Variants in ACOXL observed in about 807,000 individuals in gnomAD.
ACOXL encodes the protein acyl-coenzyme A oxidase-like protein.
ACOXL carries 70 observed loss-of-function variants against 71.9 expected under a neutral mutation model. The ratio of observed to expected loss-of-function variants is 0.97; its 90% CI spans 0.80 to 1.19. The LOEUF (loss-of-function observed/expected upper bound fraction) is 1.19. Ranked by LOEUF, ACOXL falls within the 50% of genes most tolerant of loss-of-function variation. ACOXL has a pLI of 0.00. For synonymous variants in ACOXL, 253 were observed against 281.6 expected (o/e 0.90, Z 1.02); for missense variants, 703 against 736.3 (o/e 0.95, Z 0.52).
chr2:110,903,837 A>G (rs1005848909), intron 10 of ACOXL, among the ~76,000 whole-genome samples: 1 of 152,186 alleles, frequency 6.6e-6, no homozygotes, highest in East Asian at 1.9e-4. Context: ...GGGGCCTGAG[A>G]GCATAAATAA....
chr2:110,826,996 A>G (rs1027812855), intron 9 of ACOXL, among the ~76,000 whole-genome samples: 4 of 152,134 alleles, frequency 2.6e-5, no homozygotes, highest in Non-Finnish European at 5.9e-5. Context: ...GGCTTTGGCG[A>G]TGGCTGTTCT....
At chr2:110,932,936 G>A (rs2060529602) in intron 11 of ACOXL, among the ~76,000 whole-genome samples, 1 of 152,210 alleles carries the variant, frequency 6.6e-6, no homozygotes. Context: ...GAAGACTTTG[G>A]TAGACTTTGG....
Position 110,881,340 on chromosome 2 carries a change from G to A in ACOXL, c.789-27449G>A, listed in dbSNP as rs374235609. On this transcript the variant is annotated intron_variant, in intron 10 of 17. Coordinates refer to ENST00000439055, the MANE Select transcript of ACOXL (RefSeq NM_001142807.4). Reference sequence around the variant, plus strand: ...CTTGTGAAATTATTAAATTATTTGTGTCTGATGCTCTTTAGGGATAAATCT... The same window carrying A: ...CTTGTGAAATTATTAAATTATTTGTATCTGATGCTCTTTAGGGATAAATCT... Among the ~76,000 whole-genome samples, 3 of 152,068 alleles carry A rather than the reference G, an allele frequency of 2.0e-5. No individual in the cohort carries two copies. In the East Asian group the frequency reaches 5.8e-4, roughly 29 times the overall value.
chr2:110,948,051 C>G (rs1042844216), intron 12 of ACOXL, among the ~76,000 whole-genome samples: 1 of 152,242 alleles, frequency 6.6e-6, no homozygotes, highest in Non-Finnish European at 1.5e-5. Flanking sequence ...ATCTCTGCCC[C>G]CAGCTGCCCT....
At chr2:110,854,243 C>T (rs919080464) in intron 10 of ACOXL, among the ~76,000 whole-genome samples, 2 of 152,146 alleles carry the variant, frequency 1.3e-5, no homozygotes. Flanking sequence ...GATTTGCAGG[C>T]ACACAGTGGG....
At chr2:110,877,529 C>T (rs1436550136) in intron 10 of ACOXL, among the ~76,000 whole-genome samples, 1 of 152,192 alleles carries the variant, frequency 6.6e-6, no homozygotes, top group Non-Finnish European at 1.5e-5. Context: ...ACTGTAGATA[C>T]AGCTGAAAAC....
intron 8 of ACOXL, among the ~76,000 whole-genome samples, chr2:110,802,102 G>A (rs1686076985): frequency 6.6e-6 from 1 of 152,158 alleles, no homozygotes; most frequent in African/African-American, 2.4e-5. Context: ...TTTATGTAAT[G>A]CTAAGCACAC....
chr2:110,787,533 CA>C (rs1175271772), intron 3 of ACOXL, among the ~76,000 whole-genome samples: 4,922 of 53,624 alleles, frequency 0.092, 61 homozygotes, highest in Middle Eastern at 0.14. Context: ...GACTCCGTCT[CA>C]AAAAAAAAAA....
intron 1 of ACOXL, among the ~76,000 whole-genome samples, chr2:110,762,532 T>A (rs1680539384): frequency 6.6e-6 from 1 of 152,232 alleles, no homozygotes; most frequent in Non-Finnish European, 1.5e-5. Flanking sequence ...TTGCTTGAGG[T>A]GTTATAGTAC....
At chr2:111,075,218 T>C (rs901793888) in intron 16 of ACOXL, among the ~76,000 whole-genome samples, 39 of 136,742 alleles carry the variant, frequency 2.9e-4, no homozygotes, top group Admixed American at 1.5e-3. Flanking sequence ...CATTAAGGCC[T>C]AGAGATTTCT....
At chr2:110,784,133 T>C (rs1683658786) in intron 2 of ACOXL, among the ~76,000 whole-genome samples, 1 of 152,128 alleles carries the variant, frequency 6.6e-6, no homozygotes, top group Non-Finnish European at 1.5e-5. Flanking sequence ...ATCAAGATGG[T>C]CACTGAAGCT....
At chr2:110,795,319 G>C (rs1685160069) in intron 5 of ACOXL, among the ~76,000 whole-genome samples, 1 of 152,160 alleles carries the variant, frequency 6.6e-6, no homozygotes, top group Non-Finnish European at 1.5e-5. Context: ...CCTGATGTTA[G>C]TTCTCTCCAG....
intron 1 of ACOXL, among the ~76,000 whole-genome samples, chr2:110,753,024 G>A (rs1679207182): frequency 6.6e-6 from 1 of 152,258 alleles, no homozygotes; most frequent in Non-Finnish European, 1.5e-5. Context: ...GGACCTAGTG[G>A]GAGGTGTTTG....
intron 12 of ACOXL, among the ~76,000 whole-genome samples, chr2:110,972,270 C>G (rs1283018221): frequency 6.6e-6 from 1 of 152,128 alleles, no homozygotes; most frequent in Non-Finnish European, 1.5e-5. Flanking sequence ...ACAAGTGCTC[C>G]AAGGCCTAGG....
chr2:111,038,665 C>A (rs2065638330), intron 15 of ACOXL, among the ~76,000 whole-genome samples: 1 of 152,118 alleles, frequency 6.6e-6, no homozygotes, highest in East Asian at 1.9e-4. Flanking sequence ...ACCTTCCAAA[C>A]GGTGAATAAA....
rs114208033 is a variant in ACOXL, at chr2:110,733,844, G to A, written c.-23+1070G>A. Among the ~76,000 whole-genome samples, 701 of 152,254 alleles carry A rather than the reference G, an allele frequency of 4.6e-3. 9 individuals are homozygous for A. Among genetic ancestry groups the A allele is most frequent in the African/African-American group, 0.017 (687 of 41,542 alleles). On this transcript the variant is annotated intron_variant, in intron 1 of 17. Transcript: ENST00000439055. ...TTTAAGTTATGGTTCTCAAAGTGTG[G>A]TACAGGGAGCCCTGGGGGGACCCAA...
At chr2:111,010,941 G>C (rs1268740220) in intron 14 of ACOXL, among the ~76,000 whole-genome samples, 2 of 152,132 alleles carry the variant, frequency 1.3e-5, no homozygotes, top group Non-Finnish European at 2.9e-5. Context: ...GCTAAGGAAG[G>C]TACTTTAAGC....
intron 10 of ACOXL, among the ~76,000 whole-genome samples, chr2:110,843,978 G>C (rs1691488104): frequency 6.6e-6 from 1 of 152,244 alleles, no homozygotes; most frequent in African/African-American, 2.4e-5. Flanking sequence ...TCGACCTTGG[G>C]ATCTGGGGAC....
intron 10 of ACOXL, among the ~76,000 whole-genome samples, chr2:110,900,772 C>A (rs1437204347): frequency 1.3e-5 from 2 of 152,196 alleles, no homozygotes; most frequent in Non-Finnish European, 2.9e-5. Context: ...ATGGGTTAGA[C>A]CCACTTTTGT....
Sources: allele counts gnomAD v4.1 joint callset (sites outside exome capture counted in the v4.1 genomes callset), GRCh38; gene constraint gnomAD v4.1.1; transcripts MANE v1.5; gene names NCBI Gene and HGNC (gene_info 2026-07-23, HGNC 2026-07-21).